Variants in ZNF740 observed in about 807,000 individuals in gnomAD.
ZNF740 encodes the protein oriLyt TD-element-binding protein 7.
In ZNF740, 14 loss-of-function variants were observed where a neutral mutation model predicts 24.8. The observed-to-expected ratio is 0.56, with a 90% CI of 0.37 to 0.88. The LOEUF is 0.88. ZNF740 is among the 40% of genes least tolerant of loss of function. The pLI, the probability that ZNF740 is intolerant of heterozygous loss-of-function variation, is 0.00. For missense variants in ZNF740, 201 were observed against 247.9 expected, an observed-to-expected ratio of 0.81 and a Z score of 1.27; for synonymous variants, 69 against 84.0, an observed-to-expected ratio of 0.82 and a Z score of 0.98.
intron 2 of ZNF740, chr12:53,182,238 C>T (rs945886351): frequency 1.6e-5 from 9 of 548,504 alleles, no homozygotes; most frequent in Admixed American, 6.7e-5. Context: ...TGCAAAGCAA[C>T]GTGTACTCAG....
chr12:53,181,289 G>T (rs951621208), intron 1 of ZNF740: 2 of 985,312 alleles, frequency 2.0e-6, no homozygotes, highest in Admixed American at 1.2e-4. Context: ...GCCCGCCACC[G>T]AAGCACCCAG....
Position 53,191,787 on chromosome 12 carries a change from G to T in ZNF740, c.*4197G>T. ...ATGTGCCAGGGGCTGGGGGAACCCA[G>T]TGGGAGGAATCAGGGCTGGTCTTGT... On this transcript the variant is annotated 3_prime_UTR_variant, in exon 7 of 7. Transcript: ENST00000416904. The T allele has an allele frequency of 6.3e-7, 1 of 1,595,982 alleles. No homozygotes were observed. Among genetic ancestry groups the T allele is most frequent in the Non-Finnish European group, 8.6e-7 (1 of 1,164,820 alleles).
At chr12:53,185,321 G>A in intron 3 of ZNF740, 66 bp from the exon 4 acceptor site, 1 of 1,524,256 alleles carries the variant, frequency 6.6e-7, no homozygotes, top group Non-Finnish European at 9.0e-7. Context: ...TTGTCTGAGA[G>A]CTGCATTGGG....
Position 53,194,192 on chromosome 12 carries a change from T to A in ZNF740, c.*6602T>A. ...CCGCCTTCTGCCTGTGCTTGCTGGC[T>A]CTCACCGTCTGGTTGATTCGGACGT... is the stretch of plus-strand genomic sequence containing the variant. On this transcript the variant is annotated 3_prime_UTR_variant, in exon 7 of 7. Transcript: ENST00000416904. The A allele has an allele frequency of 6.2e-7, 1 of 1,614,062 alleles. No individual in the cohort carries two copies. Among genetic ancestry groups the A allele is most frequent in the Non-Finnish European group, 8.5e-7 (1 of 1,179,968 alleles).
chr12:53,187,812 C>T lies in ZNF740; in HGVS notation c.*222C>T. 5.6e-6 allele frequency: 3 copies of T among 536,936 alleles called. No individual in the cohort carries two copies. The allele number at this position is 536,936 out of a possible 1,614,324, so 33.3% of individuals were successfully genotyped here. ...ATCTCGGGGAAGTTCTTACAGCATT[C>T]CTGGGTAGGGGAGCTAGTCCCTGGA... On this transcript the variant is annotated 3_prime_UTR_variant, in exon 7 of 7. Transcript: ENST00000416904.
chr12:53,184,264 C>T (rs1941779310), intron 2 of ZNF740, among the ~76,000 whole-genome samples: 1 of 151,838 alleles, frequency 6.6e-6, no homozygotes, highest in South Asian at 2.1e-4. Context: ...TTTCGGCTCA[C>T]TGCAGCCTCC....
In ZNF740 at chr12:53,194,507, G is replaced by C. The variant is rs551044155; in HGVS notation, c.*6917G>C. The stretch of plus-strand genomic sequence containing the variant: ...CGAGGCATTTCTGGAGGGAGGACCC[G>C]TGAGAACCTTGCATAGAACATACAG... On this transcript the variant is annotated 3_prime_UTR_variant, in exon 7 of 7. Coordinates refer to ENST00000416904, the MANE Select transcript of ZNF740 (RefSeq NM_001004304.4). 1 of 641,822 alleles carries C rather than the reference G, an allele frequency of 1.6e-6. No individual in the cohort carries two copies. The highest frequency in any genetic ancestry group is 2.7e-6 in the Non-Finnish European group (1 of 370,520). The allele number at this position is 641,822 out of a possible 1,614,324, so 39.8% of individuals were successfully genotyped here.
rs933555704 is a variant in ZNF740, at chr12:53,180,732, C to G, written c.-413C>G. The G allele has an allele frequency of 1.6e-6, 2 of 1,264,502 alleles. No individual in the cohort carries two copies. The allele number at this position is 1,264,502 out of a possible 1,614,324, so 78.3% of individuals were successfully genotyped here. A position where few individuals can be genotyped will look rare whatever the true frequency, so the allele number is the denominator to read the frequency against. On this transcript the variant is annotated 5_prime_UTR_variant, in exon 1 of 7. Transcript: ENST00000416904. ...CCGGGGTTGGTGTTTGTAAACTTGC[C>G]TCGGTCCCGGTGGGGGCAGCCGCGG...
At position 53,181,817 on chromosome 12, in the gene ZNF740, A is replaced by C. The variant is rs1941655776; in HGVS notation, c.-167A>C. Reference sequence around the variant, plus strand: ...GGAACACCTATCTTTTCTTCGGAGGACACTAAGTTCTATTTGAAGACAAAG... The same window carrying C: ...GGAACACCTATCTTTTCTTCGGAGGCCACTAAGTTCTATTTGAAGACAAAG... On this transcript the variant is annotated 5_prime_UTR_variant, in exon 2 of 7. Transcript: ENST00000416904. 1.2e-6 allele frequency: 1 copy of C among 817,774 alleles called. No homozygotes were observed. Among genetic ancestry groups the C allele is most frequent in the Non-Finnish European group, 1.9e-6 (1 of 520,980 alleles). 50.7% of individuals were successfully genotyped at this position (817,774 alleles called of 1,614,324 possible). A position where few individuals can be genotyped will look rare whatever the true frequency, so the allele number is the denominator to read the frequency against.
In ZNF740 at chr12:53,192,386, A is replaced by C; in HGVS notation, c.*4796A>C. 1 of 1,614,014 alleles carries C rather than the reference A, an allele frequency of 6.2e-7. No homozygotes were observed. The highest frequency in any genetic ancestry group is 1.3e-5 in the African/African-American group (1 of 74,988). Reference sequence around the variant, plus strand: ...GCCTCTGGCGTCATCCTCCACCAAGAAGAAGAACAGCTGGTTGTCCAGGGT... The same window carrying C: ...GCCTCTGGCGTCATCCTCCACCAAGCAGAAGAACAGCTGGTTGTCCAGGGT... On this transcript the variant is annotated 3_prime_UTR_variant, in exon 7 of 7. Transcript: ENST00000416904.
chr12:53,184,921 G>A lies in ZNF740; in HGVS notation c.40G>A (p.Gly14Ser). Reference sequence around the variant, plus strand: ...TCTCCTGGCTTGTGAAGGCCTAGCAGGTGTGAGTTTGGTTCCCACTGCAGC... The same window carrying A: ...TCTCCTGGCTTGTGAAGGCCTAGCAAGTGTGAGTTTGGTTCCCACTGCAGC... The part of the protein sequence containing the change: ...ASLLACEGLA[G>S]VSLVPTAASK... The change falls in exon 3 of 7, where the codon GGT becomes AGT. Residue 14 changes from glycine (G) to serine (S), a missense_variant. This residue lies in a region of ZNF740 where 117 missense variants were observed against 122.3 expected (regional missense o/e 0.96). Coordinates refer to ENST00000416904, the MANE Select transcript of ZNF740 (RefSeq NM_001004304.4). 6.2e-7 allele frequency: 1 copy of A among 1,613,880 alleles called. No individual in the cohort carries two copies.
At chr12:53,186,115 T>A in intron 5 of ZNF740, 38 bp downstream of exon 5, 1 of 1,596,370 alleles carries the variant, frequency 6.3e-7, no homozygotes, top group Non-Finnish European at 8.6e-7. Context: ...GGGAGAATAG[T>A]CTATCGCTTG....
intron 3 of ZNF740, 115 bp downstream of exon 3, chr12:53,185,155 A>G: frequency 6.7e-7 from 1 of 1,497,818 alleles, no homozygotes; most frequent in South Asian, 1.3e-5. Context: ...GGGCAAGGGG[A>G]TCCAACTGGG....
rs1318966764 is a variant in ZNF740 at position 53,194,212 on chromosome 12, G to A, written c.*6622G>A. On this transcript the variant is annotated 3_prime_UTR_variant, in exon 7 of 7. Coordinates refer to ENST00000416904, the MANE Select transcript of ZNF740 (RefSeq NM_001004304.4). Reference sequence around the variant, plus strand: ...CTGGCTCTCACCGTCTGGTTGATTCGGACGTGGTTGCACTGTCCTCGATCC... The same window carrying A: ...CTGGCTCTCACCGTCTGGTTGATTCAGACGTGGTTGCACTGTCCTCGATCC... The A allele has an allele frequency of 5.6e-6, 9 of 1,613,754 alleles. No homozygotes were observed. In the East Asian group the frequency reaches 1.1e-4, roughly 20 times the overall value.
chr12:53,193,708 C>T lies in ZNF740; in HGVS notation c.*6118C>T. ...GTTGAAGGGAAGAGGAGGCCCTCAC[C>T]TGCATACACCACATTGTAGGTGTCC... On this transcript the variant is annotated 3_prime_UTR_variant, in exon 7 of 7. Coordinates refer to ENST00000416904, the MANE Select transcript of ZNF740 (RefSeq NM_001004304.4). 2 of 1,609,062 alleles carry T rather than the reference C, an allele frequency of 1.2e-6. No homozygotes were observed. The highest frequency in any genetic ancestry group is 1.7e-6 in the Non-Finnish European group (2 of 1,177,302).
At position 53,191,491 on chromosome 12, in the gene ZNF740, C is replaced by T; in HGVS notation, c.*3901C>T. The T allele has an allele frequency of 7.6e-7, 1 of 1,314,014 alleles. No individual in the cohort carries two copies. The highest frequency in any genetic ancestry group is 1.1e-6 in the Non-Finnish European group (1 of 906,698). The allele number at this position is 1,314,014 out of a possible 1,614,324, so 81.4% of individuals were successfully genotyped here. On this transcript the variant is annotated 3_prime_UTR_variant, in exon 7 of 7. Transcript: ENST00000416904. ...CCAAGGTCTTACAGACCCACCCTTC[C>T]TCTCACCCTCCAGTTCCCACTGTCC...
chr12:53,182,478 A>G (rs963911119), intron 2 of ZNF740, among the ~76,000 whole-genome samples: 19 of 152,204 alleles, frequency 1.2e-4, no homozygotes, highest in Admixed American at 4.6e-4. Flanking sequence ...AATGCCTTGT[A>G]TAGTGGCTGG....
In ZNF740 at chr12:53,191,888, T is replaced by C. The variant is rs1555176936; in HGVS notation, c.*4298T>C. The stretch of plus-strand genomic sequence containing the variant: ...TTCCAGTTGAGTTGTTGCTGCTCCT[T>C]CTCAAAGCGACTGTATTCCCGGCGG... On this transcript the variant is annotated 3_prime_UTR_variant, in exon 7 of 7. Coordinates refer to ENST00000416904, the MANE Select transcript of ZNF740 (RefSeq NM_001004304.4). 3 of 1,612,270 alleles carry C rather than the reference T, an allele frequency of 1.9e-6. No homozygotes were observed. The highest frequency in any genetic ancestry group is 1.3e-5 in the African/African-American group (1 of 74,706).
In ZNF740 at chr12:53,194,486, G is replaced by T; in HGVS notation, c.*6896G>T. 1.3e-6 allele frequency: 1 copy of T among 772,824 alleles called. No individual in the cohort carries two copies. 47.9% of individuals were successfully genotyped at this position (772,824 alleles called of 1,614,324 possible). A position where few individuals can be genotyped will look rare whatever the true frequency, so the allele number is the denominator to read the frequency against. ...GCTCCTTCCATTCTGCCCAGTCGAG[G>T]CATTTCTGGAGGGAGGACCCGTGAG... is the stretch of plus-strand genomic sequence containing the variant. On this transcript the variant is annotated 3_prime_UTR_variant, in exon 7 of 7. Coordinates refer to ENST00000416904, the MANE Select transcript of ZNF740 (RefSeq NM_001004304.4).
Sources: allele counts gnomAD v4.1 joint callset (sites outside exome capture counted in the v4.1 genomes callset), GRCh38; gene constraint gnomAD v4.1.1; regional missense constraint gnomAD v4.1.1; transcripts MANE v1.5; gene names NCBI Gene and HGNC (gene_info 2026-07-23, HGNC 2026-07-21).